SYK: variants seen among roughly 807,000 people sequenced by gnomAD.
The protein encoded by SYK is spleen associated tyrosine kinase.
SYK carries 16 observed loss-of-function variants against 77.8 expected under a neutral mutation model. The ratio of observed to expected loss-of-function variants is 0.21; its 90% CI spans 0.14 to 0.31. The LOEUF is 0.31. Among genes scored for constraint, SYK ranks in the 10% least tolerant of loss-of-function variants. The pLI is 1.00. For synonymous variants in SYK, 312 were observed against 308.7 expected (o/e 1.01, Z -0.11); for missense variants, 529 against 814.4 (o/e 0.65, Z 4.26).
rs1828960157 is a variant in SYK, at chr9:90,895,770, A to G, written c.*170A>G. 3 of 596,952 alleles carry G rather than the reference A, an allele frequency of 5.0e-6. No individual in the cohort carries two copies. Among genetic ancestry groups the G allele is most frequent in the Non-Finnish European group, 5.9e-6 (2 of 337,160 alleles). The allele number at this position is 596,952 out of a possible 1,614,324, so 37.0% of individuals were successfully genotyped here. On this transcript the variant is annotated 3_prime_UTR_variant, in exon 14 of 14. Transcript: ENST00000375754. The surrounding 1 kb of genome is among the most constrained non-coding windows in gnomAD (Gnocchi z 4.4). ...AAGCCTGTCCCAGGACTCACCCTCC[A>G]CAAAGCAAAGGCAGTCCCGGGAGAA... is the stretch of plus-strand genomic sequence containing the variant.
chr9:90,872,893 G>A (rs574529115), intron 7 of SYK, among the ~76,000 whole-genome samples: 3 of 152,128 alleles, frequency 2.0e-5, no homozygotes, highest in Non-Finnish European at 4.4e-5. Flanking sequence ...TTTTATTTTT[G>A]ATGTGTCATA....
chr9:90,808,809 C>A (rs1290223876), intron 1 of SYK, among the ~76,000 whole-genome samples: 1 of 152,138 alleles, frequency 6.6e-6, no homozygotes, highest in Non-Finnish European at 1.5e-5. Context: ...TCTTCTCCCA[C>A]CTTGCACCCC....
rs1360198489 is a variant in SYK, at chr9:90,884,820, T to TAC, written c.1582-2925_1582-2924dup. Among the ~76,000 whole-genome samples the TAC allele has an allele frequency of 1.3e-4, 12 of 92,390 alleles. 5 individuals carry two copies. In the East Asian group the frequency reaches 2.8e-3, roughly 21 times the overall value. 60.6% of individuals were successfully genotyped at this position (92,390 alleles called of 152,430 possible). On this transcript the variant is annotated intron_variant, in intron 11 of 13. Transcript: ENST00000375754. ...ATACACATATGTGTACATACACATA[T>TAC]ACACATATGTGTGTATATACATATA...
intron 1 of SYK, among the ~76,000 whole-genome samples, chr9:90,806,827 C>T (rs557161697): frequency 3.3e-5 from 5 of 152,336 alleles, no homozygotes; most frequent in African/African-American, 1.2e-4. Context: ...CTATGTTTTA[C>T]ATCAGTGTCA....
chr9:90,848,825 A>G (rs1182136530), intron 3 of SYK, among the ~76,000 whole-genome samples: 1 of 152,248 alleles, frequency 6.6e-6, no homozygotes, highest in Non-Finnish European at 1.5e-5. Flanking sequence ...AAAGAACTGC[A>G]TTTAAGTAAG....
intron 1 of SYK, among the ~76,000 whole-genome samples, chr9:90,843,295 G>A (rs986435614): frequency 2.0e-5 from 3 of 152,196 alleles, no homozygotes; most frequent in Admixed American, 6.5e-5. Flanking sequence ...GGCCCTCAAC[G>A]TGGCCTCACT....
intron 9 of SYK, among the ~76,000 whole-genome samples, chr9:90,877,013 G>T: frequency 6.6e-6 from 1 of 152,002 alleles, no homozygotes. Flanking sequence ...GTTTTTGCTT[G>T]GTTGGGACAT....
chr9:90,844,342 G>A (rs1208875600), intron 2 of SYK, 27 bp downstream of exon 2: 1 of 1,529,680 alleles, frequency 6.5e-7, no homozygotes, highest in East Asian at 2.3e-5. Flanking sequence ...CCTGCTCCCT[G>A]GGCCCAGGGG....
At chr9:90,814,301 T>G (rs570512115) in intron 1 of SYK, among the ~76,000 whole-genome samples, 1 of 152,342 alleles carries the variant, frequency 6.6e-6, no homozygotes, top group African/African-American at 2.4e-5. Context: ...TTGGTCTCTG[T>G]CATCCCTGCT....
Position 90,895,955 on chromosome 9 carries a change from A to C in SYK, c.*355A>C. 1 of 325,930 alleles carries C rather than the reference A, an allele frequency of 3.1e-6. No homozygotes were observed. The highest frequency in any genetic ancestry group is 5.9e-6 in the Non-Finnish European group (1 of 169,978). 20.2% of individuals were successfully genotyped at this position (325,930 alleles called of 1,614,324 possible). ...CATTTGTTACTCATCGGGCCCAGGG[A>C]CATTGCAGAGTGGCCTAGAGCACTC... On this transcript the variant is annotated 3_prime_UTR_variant, in exon 14 of 14. Transcript: ENST00000375754. This position sits in a 1 kb window ranked among gnomAD's most constrained non-coding sequence, Gnocchi z 4.4.
At chr9:90,885,547 A>G (rs188689780) in intron 11 of SYK, among the ~76,000 whole-genome samples, 9 of 152,336 alleles carry the variant, frequency 5.9e-5, no homozygotes, top group Admixed American at 5.2e-4. Context: ...AGTGTAAAGC[A>G]ACTGAATATT....
At chr9:90,867,343 C>A in intron 7 of SYK, 144 bp downstream of exon 7, 2 of 798,928 alleles carry the variant, frequency 2.5e-6, no homozygotes, top group Non-Finnish European at 4.1e-6. Context: ...CTTGCTCACA[C>A]CTGCTGTTCC....
chr9:90,804,734 C>T (rs761303784), intron 1 of SYK, among the ~76,000 whole-genome samples: 3 of 152,168 alleles, frequency 2.0e-5, no homozygotes, highest in Non-Finnish European at 2.9e-5. Flanking sequence ...CAAATTGCCT[C>T]ATTTGTGTCT....
chr9:90,895,426 A>C lies in SYK; in HGVS notation c.1836-102A>C, dbSNP rs1413234453. On this transcript the variant is annotated intron_variant, in intron 13 of 13. Coordinates refer to ENST00000375754, the MANE Select transcript of SYK (RefSeq NM_003177.7). This position sits in a 1 kb window ranked among gnomAD's most constrained non-coding sequence, Gnocchi z 4.4. ...GCTGCAGGCCCTAGAGTTAGCCACC[A>C]GGGAGCAGCACCACTGGTACTCAGC... 1 of 1,245,332 alleles carries C rather than the reference A, an allele frequency of 8.0e-7. No individual in the cohort carries two copies. The highest frequency in any genetic ancestry group is 1.2e-6 in the Non-Finnish European group (1 of 861,784). 77.1% of individuals were successfully genotyped at this position (1,245,332 alleles called of 1,614,324 possible).
chr9:90,804,395 T>C (rs1032962257), intron 1 of SYK, among the ~76,000 whole-genome samples: 1 of 152,188 alleles, frequency 6.6e-6, no homozygotes, highest in South Asian at 2.1e-4. Context: ...ATGGAAGAAA[T>C]ATTATTTCCT....
chr9:90,844,209 A>G lies in SYK; in HGVS notation c.311A>G (p.Lys104Arg), dbSNP rs200453337. Reference sequence around the variant, plus strand: ...TCTGATGGCCTGGTCTGCCTCCTCAAGAAGCCCTTCAACCGGCCCCAAGGG... The same window carrying G: ...TCTGATGGCCTGGTCTGCCTCCTCAGGAAGCCCTTCAACCGGCCCCAAGGG... ...QESDGLVCLL[K>R]KPFNRPQGVQ... The change falls in exon 2 of 14, where the codon AAG (lysine) becomes AGG (arginine). Residue 104 changes from lysine to arginine, a missense_variant. Physicochemically the swap from Lys to Arg is conservative, Grantham distance 26 (BLOSUM62 2). This residue lies in a region of SYK where 321 missense variants were observed against 433.1 expected (regional missense o/e 0.74). Transcript: ENST00000375754. The G allele has an allele frequency of 2.0e-5, 33 of 1,614,220 alleles. No homozygotes were observed. The highest frequency in any genetic ancestry group is 2.8e-5 in the Non-Finnish European group (33 of 1,180,020).
chr9:90,845,310 A>G (rs1826545051), intron 2 of SYK, 124 bp from the exon 3 acceptor site: 4 of 974,908 alleles, frequency 4.1e-6, no homozygotes. Flanking sequence ...TTACTGAATG[A>G]ATGAGTGAAT....
chr9:90,849,154 C>T (rs1826719805), intron 3 of SYK, among the ~76,000 whole-genome samples: 2 of 152,202 alleles, frequency 1.3e-5, no homozygotes, highest in African/African-American at 4.8e-5. Context: ...AGGGCCAGGG[C>T]CAGCTGACAT....
chr9:90,857,219 A>G (rs1387268747), intron 3 of SYK, among the ~76,000 whole-genome samples: 3 of 152,254 alleles, frequency 2.0e-5, no homozygotes, highest in African/African-American at 7.2e-5. Flanking sequence ...ACTCTGTTCC[A>G]TCAGTGCTTT....
Sources: allele counts gnomAD v4.1 joint callset (sites outside exome capture counted in the v4.1 genomes callset), GRCh38; gene constraint gnomAD v4.1.1; regional missense constraint gnomAD v4.1.1; non-coding constraint Gnocchi (gnomAD v3.1); transcripts MANE v1.5; gene names NCBI Gene and HGNC (gene_info 2026-07-23, HGNC 2026-07-21).